RGS6: variants seen among roughly 807,000 people sequenced by gnomAD.
RGS6 encodes regulator of G-protein signaling 6.
In RGS6, 30 loss-of-function variants were observed where a neutral mutation model predicts 78.5. That is an observed-to-expected ratio of 0.38 (90% CI 0.29 to 0.52). The LOEUF is 0.52. RGS6 is among the 20% of genes least tolerant of loss of function. RGS6 has a pLI of 0.85. For missense variants in RGS6, 495 were observed against 609.7 expected, an observed-to-expected ratio of 0.81 and a Z score of 1.98; for synonymous variants, 206 against 206.0, an observed-to-expected ratio of 1.00 and a Z score of 0.00.
At chr14:72,293,207 A>C (rs1029971227) in intron 2 of RGS6, among the ~76,000 whole-genome samples, 1 of 152,178 alleles carries the variant, frequency 6.6e-6, no homozygotes, top group Non-Finnish European at 1.5e-5. Flanking sequence ...AGAACCTCCC[A>C]TCTGTCTATT....
intron 3 of RGS6, among the ~76,000 whole-genome samples, chr14:72,407,880 T>G (rs2093063899): frequency 6.6e-6 from 1 of 152,210 alleles, no homozygotes; most frequent in Non-Finnish European, 1.5e-5. Context: ...CAGTCTGTGT[T>G]AAATAGGGAG....
the RGS6 span, among the ~76,000 whole-genome samples, chr14:71,875,385 G>A: frequency 4.8e-3 from 729 of 152,242 alleles, 6 homozygotes; most frequent in African/African-American, 0.015. Flanking sequence ...GGGTGTTTGT[G>A]TATGGGAATT....
At chr14:72,373,840 G>A (rs1335786026) in intron 3 of RGS6, among the ~76,000 whole-genome samples, 2 of 151,506 alleles carry the variant, frequency 1.3e-5, no homozygotes, top group Non-Finnish European at 2.9e-5. Flanking sequence ...CCCCCACTCA[G>A]TAAAGATTTA....
At chr14:72,625,669 C>T in the RGS6 span, among the ~76,000 whole-genome samples, 1 of 152,202 alleles carries the variant, frequency 6.6e-6, no homozygotes, top group African/African-American at 2.4e-5. Context: ...TGTAGGTACA[C>T]ATGCATACAT....
chr14:72,327,239 A>G (rs1479192339), intron 2 of RGS6, among the ~76,000 whole-genome samples: 1 of 152,094 alleles, frequency 6.6e-6, no homozygotes, highest in African/African-American at 2.4e-5. Context: ...CACATCTGCT[A>G]CCTCCAGCTT....
At position 72,197,400 on chromosome 14, in the gene RGS6, A is replaced by G. The variant is rs377367644; in HGVS notation, c.85-154695A>G. On this transcript the variant is annotated intron_variant, in intron 2 of 17. Coordinates refer to ENST00000553525, the MANE Select transcript of RGS6 (RefSeq NM_001204424.2). ...CTAGTTAAGTTCATATACCCATGCC[A>G]GAGTGCCTAGCTCACACTTCATTAT... Among the ~76,000 whole-genome samples, 78 of 152,252 alleles carry G rather than the reference A, an allele frequency of 5.1e-4. 1 individual carries two copies. In the South Asian group the frequency reaches 0.016, roughly 31 times the overall value.
upstream of RGS6, among the ~76,000 whole-genome samples, chr14:71,929,379 AT>A (rs1382197743): frequency 6.6e-6 from 1 of 152,134 alleles, no homozygotes; most frequent in Admixed American, 6.5e-5. Flanking sequence ...TTCAATTTGC[AT>A]TTGTCTGATG....
chr14:72,520,502 T>G (rs1027983121), intron 15 of RGS6, among the ~76,000 whole-genome samples: 15 of 152,250 alleles, frequency 9.9e-5, no homozygotes, highest in African/African-American at 2.7e-4. Context: ...ATCGCTTATA[T>G]CCATTAGTTA....
chr14:72,474,078 A>G (rs1442009371), intron 9 of RGS6: 2 of 152,274 alleles, frequency 1.3e-5, no homozygotes, highest in African/African-American at 4.8e-5. Flanking sequence ...CAGGCTACTC[A>G]AGGTACAACT....
chr14:72,133,393 G>C (rs1349103534), intron 2 of RGS6, among the ~76,000 whole-genome samples: 3 of 151,812 alleles, frequency 2.0e-5, no homozygotes, highest in African/African-American at 7.3e-5. Flanking sequence ...AGTTCCCTTT[G>C]CGATACACAG....
rs763741597 is a variant in RGS6, at chr14:72,352,077, T to G, written c.85-18T>G. ...ATTATGGGAGAAAATAACACTTCTT[T>G]TCTTTAACCTCTTTCAGATTGAAGA... On this transcript the variant is annotated intron_variant, in intron 2 of 17. Transcript: ENST00000553525. 65 of 1,584,452 alleles carry G rather than the reference T, an allele frequency of 4.1e-5. 1 individual carries two copies. The East Asian group carries it at 1.5e-3, about 36-fold the overall frequency.
chr14:72,081,382 C>G lies in RGS6; in HGVS notation c.84+116507C>G, dbSNP rs139455404. ...ATATTTTATCTTCTTGAGATCTTTT[C>G]TGTTTACTTTTTATTTGATTGAGAT... On this transcript the variant is annotated intron_variant, in intron 2 of 17. Coordinates refer to ENST00000553525, the MANE Select transcript of RGS6 (RefSeq NM_001204424.2). 4.1e-4 allele frequency among the ~76,000 whole-genome samples: 63 copies of G among 152,084 alleles called. 1 individual carries two copies. In the East Asian group the frequency reaches 0.011, roughly 27 times the overall value.
intron 16 of RGS6, chr14:72,537,852 T>C: frequency 3.3e-6 from 1 of 302,832 alleles, no homozygotes; most frequent in Non-Finnish European, 6.0e-6. Context: ...AGGCCATTGA[T>C]TCTCCTTGTG....
intron 3 of RGS6, among the ~76,000 whole-genome samples, chr14:72,435,916 A>G (rs74368010): frequency 6.6e-6 from 1 of 152,180 alleles, no homozygotes. Context: ...GTAAGGTATC[A>G]TATTCACAGT....
chr14:72,536,382 A>G, intron 16 of RGS6, 107 bp downstream of exon 16: 1 of 841,802 alleles, frequency 1.2e-6, no homozygotes, highest in South Asian at 1.4e-5. Flanking sequence ...TTTATTTCCT[A>G]CTTTCTTCTT....
intron 13 of RGS6, among the ~76,000 whole-genome samples, chr14:72,505,674 C>G (rs548751801): frequency 3.4e-4 from 52 of 152,332 alleles, no homozygotes; most frequent in African/African-American, 1.2e-3. Flanking sequence ...ACAGGCAGTC[C>G]TGGGATCCAG....
intron 12 of RGS6, among the ~76,000 whole-genome samples, chr14:72,493,054 G>A (rs566703851): frequency 4.6e-5 from 7 of 152,200 alleles, no homozygotes; most frequent in African/African-American, 1.7e-4. Flanking sequence ...TTAAAATACT[G>A]GTAAACTTCC....
chr14:72,282,837 G>T (rs1342327269), intron 2 of RGS6, among the ~76,000 whole-genome samples: 1 of 152,076 alleles, frequency 6.6e-6, no homozygotes, highest in Non-Finnish European at 1.5e-5. Flanking sequence ...ATACAGTATT[G>T]TTAATTATAG....
the RGS6 span, among the ~76,000 whole-genome samples, chr14:71,917,605 C>G: frequency 2.6e-5 from 4 of 152,132 alleles, no homozygotes; most frequent in African/African-American, 9.7e-5. Context: ...GGCCCACCTG[C>G]TCCCTCTGTC....
Sources: gnomAD v4.1 joint callset for allele counts (sites outside exome capture counted in the v4.1 genomes callset) on GRCh38, gnomAD v4.1.1 for gene constraint, MANE v1.5 for transcripts, NCBI Gene and HGNC (gene_info 2026-07-23, HGNC 2026-07-21) for gene names.